The following POC1B variants were observed in gnomAD, a reference collection of about 807,000 sequenced individuals.
The protein encoded by POC1B is POC1 centriolar protein homolog B.
Under a neutral mutation model 60.6 loss-of-function variants are expected in POC1B, and 44 were observed. The observed-to-expected ratio is 0.73, with a 90% confidence interval of 0.57 to 0.93. The LOEUF (loss-of-function observed/expected upper bound fraction) is 0.93. Among genes scored for constraint, POC1B ranks in the 40% least tolerant of loss-of-function variants. POC1B has a pLI of 0.00. For missense variants in POC1B, 555 were observed against 572.3 expected (o/e 0.97, Z 0.31); for synonymous variants, 180 against 198.9 (o/e 0.90, Z 0.80).
intron 10 of POC1B, chr12:89,426,878 C>T (rs1286834736): frequency 6.6e-6 from 1 of 151,030 alleles, no homozygotes; most frequent in Non-Finnish European, 1.5e-5. Context: ...TTATACAAAC[C>T]ATCATTGAAA....
At chr12:89,436,403 T>A (rs563785852) in intron 10 of POC1B, among the ~76,000 whole-genome samples, 2 of 152,278 alleles carry the variant, frequency 1.3e-5, no homozygotes, top group Admixed American at 1.3e-4. Flanking sequence ...ATTTACCAAA[T>A]AACCAGCATG....
At chr12:89,510,189 G>C (rs1482828813) in intron 2 of POC1B, among the ~76,000 whole-genome samples, 1 of 152,104 alleles carries the variant, frequency 6.6e-6, no homozygotes, top group Non-Finnish European at 1.5e-5. Flanking sequence ...AATTATAGGT[G>C]GCTCCTTTTT....
intron 10 of POC1B, among the ~76,000 whole-genome samples, chr12:89,436,078 G>A (rs1208949019): frequency 2.0e-5 from 3 of 151,828 alleles, no homozygotes; most frequent in African/African-American, 7.3e-5. Flanking sequence ...CTGAGTAGCT[G>A]AGACTACAGG....
At chr12:89,466,408 T>C (rs765520288) in intron 9 of POC1B, among the ~76,000 whole-genome samples, 1 of 152,174 alleles carries the variant, frequency 6.6e-6, no homozygotes, top group African/African-American at 2.4e-5. Context: ...AAGCTACCTA[T>C]TTCAATAACC....
In POC1B at chr12:89,480,442, T is replaced by A. The variant is rs549851732; in HGVS notation, c.453-8167A>T. 6.7e-3 allele frequency among the ~76,000 whole-genome samples: 1,011 copies of A among 151,498 alleles called. 12 individuals are homozygous for A. The highest frequency in any genetic ancestry group is 0.024 in the African/African-American group (977 of 41,234). On this transcript the variant is annotated intron_variant, in intron 4 of 11. Coordinates refer to ENST00000313546, the MANE Select transcript of POC1B (RefSeq NM_172240.3). The stretch of plus-strand genomic sequence containing the variant: ...AATTTATAATTCTTTTTTTTTTTTT[T>A]ATAGAGTCTCACTCTGCTGCCAGTC...
chr12:89,420,497 A>G lies in POC1B; in HGVS notation c.*656T>C, dbSNP rs909538722. The G allele has an allele frequency of 6.6e-6, 1 of 152,198 alleles. No homozygotes were observed. Among genetic ancestry groups the G allele is most frequent in the Admixed American group, 6.5e-5 (1 of 15,272 alleles). The allele number at this position is 152,198 out of a possible 1,614,324, so 9.4% of individuals were successfully genotyped here. On this transcript the variant is annotated 3_prime_UTR_variant, in exon 12 of 12. Transcript: ENST00000313546. Reference sequence around the variant, plus strand: ...AAGATAGGTGAGTTTCATTTCCTTCAGGTTGGCCAATGGATAAACAAAGTA... The same window carrying G: ...AAGATAGGTGAGTTTCATTTCCTTCGGGTTGGCCAATGGATAAACAAAGTA...
chr12:89,500,749 A>G (rs1423602195), intron 2 of POC1B: 1 of 1,072,498 alleles, frequency 9.3e-7, no homozygotes, highest in Non-Finnish European at 1.4e-6. Context: ...AGAAAATAGA[A>G]ATAGATAGAA....
intron 2 of POC1B, among the ~76,000 whole-genome samples, chr12:89,505,452 T>G (rs1345305853): frequency 1.3e-5 from 2 of 152,236 alleles, no homozygotes; most frequent in Non-Finnish European, 2.9e-5. Context: ...TAAATTGTGA[T>G]ATATTCATGT....
chr12:89,523,023 T>C lies in POC1B; in HGVS notation c.100+2097A>G, dbSNP rs115797639. Reference sequence around the variant, plus strand: ...AATTTTGCATTCCCACATAATTTTTTTGCTCAGGTACCTCTGCACATAACT... The same window carrying C: ...AATTTTGCATTCCCACATAATTTTTCTGCTCAGGTACCTCTGCACATAACT... On this transcript the variant is annotated intron_variant, in intron 2 of 11. Coordinates refer to ENST00000313546, the MANE Select transcript of POC1B (RefSeq NM_172240.3). The C allele has an allele frequency of 1.1e-3, 1,722 of 1,613,886 alleles. 20 individuals carry two copies. The African/African-American group carries it at 0.019, about 18-fold the overall frequency.
intron 3 of POC1B, among the ~76,000 whole-genome samples, chr12:89,494,013 T>G (rs1869117212): frequency 6.6e-6 from 1 of 152,222 alleles, no homozygotes; most frequent in African/African-American, 2.4e-5. Context: ...CAGACTTGCT[T>G]TCAGGCTTGC....
chr12:89,439,129 G>A (rs1294139250), intron 10 of POC1B, among the ~76,000 whole-genome samples: 1 of 152,130 alleles, frequency 6.6e-6, no homozygotes, highest in Non-Finnish European at 1.5e-5. Flanking sequence ...CTGGACTACT[G>A]ACTTTTTCTT....
At chr12:89,500,819 A>G in intron 2 of POC1B, 2 of 1,026,638 alleles carry the variant, frequency 1.9e-6, no homozygotes, top group Non-Finnish European at 3.0e-6. Flanking sequence ...AAAGAAAACC[A>G]TCAGGATCAT....
At chr12:89,406,500 G>A in the POC1B span, among the ~76,000 whole-genome samples, 1 of 152,098 alleles carries the variant, frequency 6.6e-6, no homozygotes. Context: ...ACTAAAGGAG[G>A]CAGCATAGAG....
chr12:89,523,148 TG>T (rs1212473262), intron 2 of POC1B: 1 of 1,613,736 alleles, frequency 6.2e-7, no homozygotes, highest in Admixed American at 1.7e-5. Flanking sequence ...TTAGCACCTG[TG>T]GGGTTGTTGT....
chr12:89,467,786 T>G, intron 7 of POC1B, 101 bp from the exon 8 acceptor site: 2 of 802,406 alleles, frequency 2.5e-6, no homozygotes, highest in Non-Finnish European at 4.0e-6. Flanking sequence ...TTATGCATAC[T>G]ACTCATGCAA....
In POC1B at chr12:89,525,184, A is replaced by G; in HGVS notation, c.36T>C (p.Arg12=). 1.2e-6 allele frequency: 2 copies of G among 1,611,912 alleles called. No homozygotes were observed. The highest frequency in any genetic ancestry group is 1.3e-5 in the African/African-American group (1 of 74,698). ...TCGCAGCTTTGTGGCCTTTGAAATA[A>G]CGCTCCAGAACGGGGTCCTCCTGGA... is the stretch of plus-strand genomic sequence containing the variant. ...ASATEDPVLE[R]YFKGHKAAIT... The change falls in exon 2 of 12, where the codon CGT becomes CGC. Residue 12 remains arginine (R), a synonymous_variant. Transcript: ENST00000313546.
At chr12:89,410,718 A>T in the POC1B span, among the ~76,000 whole-genome samples, 1 of 152,074 alleles carries the variant, frequency 6.6e-6, no homozygotes, top group Non-Finnish European at 1.5e-5. Flanking sequence ...GCACAAGACA[A>T]GGATCCCTCT....
At position 89,425,160 on chromosome 12, in the gene POC1B, C is replaced by T. The variant is rs112079733; in HGVS notation, c.1332+1G>A. 2 of 1,613,792 alleles carry T rather than the reference C, an allele frequency of 1.2e-6. No homozygotes were observed. ...ACTCATGCAACCTGTGTCATGCCCACCTGTGTCAAAACATTGAGTTGTTCC... is the reference window on the plus strand; with the variant it reads ...ACTCATGCAACCTGTGTCATGCCCATCTGTGTCAAAACATTGAGTTGTTCC... On this transcript the variant is annotated splice_donor_variant, in intron 11 of 11. Transcript: ENST00000313546. LOFTEE classifies it high-confidence loss of function.
At chr12:89,492,225 A>C in intron 3 of POC1B, 110 bp from the exon 4 acceptor site, 3 of 924,960 alleles carry the variant, frequency 3.2e-6, no homozygotes, top group Non-Finnish European at 4.5e-6. Flanking sequence ...AAATGGTTTA[A>C]CTCTTGTAAA....
Sources: allele counts gnomAD v4.1 joint callset (sites outside exome capture counted in the v4.1 genomes callset), GRCh38; gene constraint gnomAD v4.1.1; transcripts MANE v1.5; gene names NCBI Gene and HGNC (gene_info 2026-07-23, HGNC 2026-07-21).